The following SORCS2 variants were observed in gnomAD, a reference collection of about 807,000 sequenced individuals.
SORCS2 encodes VPS10 domain-containing receptor SorCS2.
In SORCS2, 100 loss-of-function variants were observed where a neutral mutation model predicts 141.6. The ratio of observed to expected loss-of-function variants is 0.71; its 90% CI spans 0.60 to 0.83. SORCS2 has a LOEUF of 0.83. SORCS2 is among the 40% of genes least tolerant of loss of function. SORCS2 has a pLI of 0.00. For synonymous variants in SORCS2, 789 were observed against 676.9 expected (o/e 1.17, Z -2.57); for missense variants, 1,646 against 1,560.2 (o/e 1.05, Z -0.93).
At position 7,193,144 on chromosome 4, in the gene SORCS2, G is replaced by A. The variant is rs749149549; in HGVS notation, c.480+18G>A. On this transcript the variant is annotated intron_variant, in intron 1 of 26. Coordinates refer to ENST00000507866, the MANE Select transcript of SORCS2 (RefSeq NM_020777.3). This position sits in a 1 kb window ranked among gnomAD's most constrained non-coding sequence, Gnocchi z 4.8. ...ACAGCAGCGTAAGTGACCTCCACGC[G>A]CTCGCCGCGGCCCCTACCCGGGACA... The A allele has an allele frequency of 2.0e-6, 3 of 1,500,286 alleles. No individual in the cohort carries two copies. The highest frequency in any genetic ancestry group is 1.7e-4 in the Middle Eastern group (1 of 5,732). The allele number at this position is 1,500,286 out of a possible 1,614,324, so 92.9% of individuals were successfully genotyped here. A position where few individuals can be genotyped will look rare whatever the true frequency, so the allele number is the denominator to read the frequency against.
intron 1 of SORCS2, among the ~76,000 whole-genome samples, chr4:7,220,392 C>G (rs1422514328): frequency 6.6e-6 from 1 of 152,142 alleles, no homozygotes; most frequent in Non-Finnish European, 1.5e-5. Context: ...CTGCACCCCA[C>G]TACTGGATTC....
At chr4:7,726,586 A>G (rs550142697) in intron 20 of SORCS2, among the ~76,000 whole-genome samples, 194 bp from the exon 21 acceptor site, 1 of 152,094 alleles carries the variant, frequency 6.6e-6, no homozygotes, top group South Asian at 2.1e-4. Flanking sequence ...AATAAAATAA[A>G]ATAAAATAAA....
At chr4:7,334,678 G>A (rs756483241) in intron 1 of SORCS2, among the ~76,000 whole-genome samples, 2 of 152,124 alleles carry the variant, frequency 1.3e-5, no homozygotes, top group African/African-American at 2.4e-5. Context: ...AGGTGGACAC[G>A]GTCACTGCCT....
chr4:7,314,323 C>CTTTTTTTTT (rs34546794), intron 1 of SORCS2, among the ~76,000 whole-genome samples: 3 of 92,802 alleles, frequency 3.2e-5, no homozygotes, highest in African/African-American at 3.7e-5. Flanking sequence ...AAATCATGGC[C>CTTTTTTTTT]TTTTTTTTAT....
chr4:7,216,012 C>G (rs1333957910), intron 1 of SORCS2, among the ~76,000 whole-genome samples: 2 of 152,052 alleles, frequency 1.3e-5, no homozygotes, highest in African/African-American at 4.8e-5. Flanking sequence ...TTCTTTCGCT[C>G]TTTGCAATAA....
At chr4:7,316,647 T>C (rs1718580779) in intron 1 of SORCS2, among the ~76,000 whole-genome samples, 1 of 152,206 alleles carries the variant, frequency 6.6e-6, no homozygotes. Flanking sequence ...TTAACTCTTA[T>C]TATTAGCTAT....
chr4:7,615,656 A>G (rs2108817334), intron 3 of SORCS2, among the ~76,000 whole-genome samples: 1 of 152,316 alleles, frequency 6.6e-6, no homozygotes, highest in East Asian at 1.9e-4. Flanking sequence ...AGATTTCCCC[A>G]ACTGTTCTTC....
At chr4:7,496,465 G>GTCCCCCGTCCCCTA (rs1731633327) in intron 2 of SORCS2, among the ~76,000 whole-genome samples, 1 of 83,666 alleles carries the variant, frequency 1.2e-5, no homozygotes, top group Non-Finnish European at 2.2e-5. Context: ...CCCGTCCCCC[G>GTCCCCCGTCCCCTA]TCCCCCGTCC....
chr4:7,638,263 C>A, intron 3 of SORCS2, 65 bp from the exon 4 acceptor site: 1 of 1,478,896 alleles, frequency 6.8e-7, no homozygotes, highest in Non-Finnish European at 9.0e-7. Context: ...GGCCTCACAA[C>A]ACCTTTCTGG....
intron 3 of SORCS2, among the ~76,000 whole-genome samples, chr4:7,543,723 TCCACCCATCCAC>T: frequency 1.4e-5 from 1 of 73,580 alleles, no homozygotes; most frequent in Non-Finnish European, 2.8e-5. Context: ...CATCCACCCA[TCCACCCATCCAC>T]CCATCCACCC....
intron 1 of SORCS2, among the ~76,000 whole-genome samples, chr4:7,353,591 A>G (rs180886712): frequency 2.0e-5 from 3 of 152,142 alleles, no homozygotes; most frequent in East Asian, 3.9e-4. Context: ...GTGAGTGTGT[A>G]CCTCCAATCT....
chr4:7,373,464 A>ATATATATATATATG (rs1722391980), intron 1 of SORCS2, among the ~76,000 whole-genome samples: 1 of 59,740 alleles, frequency 1.7e-5, no homozygotes, highest in African/African-American at 1.2e-4. Flanking sequence ...ACTTTTATAT[A>ATATATATATATATG]TATATATATA....
intron 1 of SORCS2, among the ~76,000 whole-genome samples, chr4:7,332,655 C>G (rs1719725090): frequency 6.6e-6 from 1 of 152,256 alleles, no homozygotes; most frequent in Non-Finnish European, 1.5e-5. Flanking sequence ...ACTGGGCCAC[C>G]TGTCTAGAGG....
chr4:7,308,160 G>A (rs759183037), intron 1 of SORCS2, among the ~76,000 whole-genome samples: 4 of 152,122 alleles, frequency 2.6e-5, no homozygotes, highest in South Asian at 2.1e-4. Flanking sequence ...TCCCTCTCAG[G>A]GGCACTTTCT....
At chr4:7,216,827 G>T (rs983413357) in intron 1 of SORCS2, among the ~76,000 whole-genome samples, 1 of 152,068 alleles carries the variant, frequency 6.6e-6, no homozygotes, top group African/African-American at 2.4e-5. Context: ...TCTTCTTGGG[G>T]GCTGAGATCA....
At position 7,733,424 on chromosome 4, in the gene SORCS2, G is replaced by A. The variant is rs372645657; in HGVS notation, c.3208+3G>A. The stretch of plus-strand genomic sequence containing the variant: ...GGCCCTGCGGGACACAGGCACAGGT[G>A]AGCCACTGGGAGCTCCCCTGCGGAA... On this transcript the variant is annotated splice_donor_region_variant and intron_variant, in intron 24 of 26. Coordinates refer to ENST00000507866, the MANE Select transcript of SORCS2 (RefSeq NM_020777.3). 2.0e-5 allele frequency: 32 copies of A among 1,573,874 alleles called. No homozygotes were observed. In the East Asian group the frequency reaches 6.0e-4, roughly 30 times the overall value.
intron 2 of SORCS2, among the ~76,000 whole-genome samples, chr4:7,473,112 T>C (rs1219568028): frequency 6.6e-6 from 1 of 152,088 alleles, no homozygotes; most frequent in Admixed American, 6.5e-5. Flanking sequence ...TGTTAAAGCA[T>C]CAAAAGAGGG....
intron 3 of SORCS2, among the ~76,000 whole-genome samples, chr4:7,629,397 C>A (rs1011985424): frequency 1.3e-5 from 2 of 152,096 alleles, no homozygotes; most frequent in African/African-American, 4.8e-5. Flanking sequence ...GGATGTGGAA[C>A]AAACATGGGT....
chr4:7,248,543 A>G (rs1009724085), intron 1 of SORCS2, among the ~76,000 whole-genome samples: 2 of 152,208 alleles, frequency 1.3e-5, no homozygotes, highest in Non-Finnish European at 2.9e-5. Context: ...GCCTTCTGGA[A>G]CAGTAGTGAT....
Sources: allele counts gnomAD v4.1 joint callset (sites outside exome capture counted in the v4.1 genomes callset), GRCh38; gene constraint gnomAD v4.1.1; non-coding constraint Gnocchi (gnomAD v3.1); transcripts MANE v1.5; gene names NCBI Gene and HGNC (gene_info 2026-07-23, HGNC 2026-07-21).